The following OPCML variants were observed in gnomAD, a reference collection of about 807,000 sequenced individuals.
OPCML encodes opioid binding protein/cell adhesion molecule like, also known as opioid-binding protein/cell adhesion molecule.
Under a neutral mutation model 37.8 loss-of-function variants are expected in OPCML, and 13 were observed. That is an observed-to-expected ratio of 0.34 (90% CI 0.22 to 0.55). The LOEUF (loss-of-function observed/expected upper bound fraction) is 0.55. Ranked by LOEUF, OPCML falls within the 20% of genes least tolerant of loss-of-function variation. The pLI, the probability that OPCML is intolerant of heterozygous loss-of-function variation, is 0.91. For synonymous variants in OPCML, 176 were observed against 168.8 expected (o/e 1.04, Z -0.33); for missense variants, 341 against 435.6 (o/e 0.78, Z 1.93).
intron 7 of OPCML, among the ~76,000 whole-genome samples, chr11:132,428,991 G>A (rs2095987144): frequency 6.6e-6 from 1 of 152,086 alleles, no homozygotes; most frequent in Admixed American, 6.6e-5. Context: ...CTGGCATACA[G>A]TAGGCACTAA....
intron 2 of OPCML, among the ~76,000 whole-genome samples, chr11:132,789,215 G>C (rs1236036498): frequency 6.6e-6 from 1 of 152,156 alleles, no homozygotes; most frequent in African/African-American, 2.4e-5. Flanking sequence ...CATAATGTCT[G>C]TGTATGTATT....
At chr11:132,587,242 C>G (rs537169941) in intron 3 of OPCML, among the ~76,000 whole-genome samples, 6 of 152,198 alleles carry the variant, frequency 3.9e-5, no homozygotes, top group Non-Finnish European at 8.8e-5. Context: ...CATAACATCT[C>G]CAACAGAGAA....
intron 2 of OPCML, among the ~76,000 whole-genome samples, chr11:132,711,519 A>C (rs777620594): frequency 1.2e-4 from 19 of 152,194 alleles, no homozygotes; most frequent in Non-Finnish European, 2.6e-4. Context: ...TTTTATGTCC[A>C]CTTACCTTTG....
rs1307572496 is a variant in OPCML at position 132,418,497 on chromosome 11, G to T, written c.*1696C>A. 6.6e-6 allele frequency: 1 copy of T among 152,636 alleles called. No homozygotes were observed. The highest frequency in any genetic ancestry group is 1.5e-5 in the Non-Finnish European group (1 of 68,040). 9.5% of individuals were successfully genotyped at this position (152,636 alleles called of 1,614,324 possible). On this transcript the variant is annotated 3_prime_UTR_variant, in exon 8 of 8. Coordinates refer to ENST00000524381, the MANE Select transcript of OPCML (RefSeq NM_001012393.5). ...AGAAGCAGCTGCATCAGAGGAAACT[G>T]TGTCACTGACACTTTCTCCCTTCTG...
At chr11:132,522,980 G>A (rs759408628) in intron 4 of OPCML, among the ~76,000 whole-genome samples, 1 of 152,062 alleles carries the variant, frequency 6.6e-6, no homozygotes, top group African/African-American at 2.4e-5. Flanking sequence ...TTTATCACCC[G>A]GGTTGCAGTG....
chr11:132,516,432 G>A (rs1056693939), intron 4 of OPCML, among the ~76,000 whole-genome samples: 4 of 151,962 alleles, frequency 2.6e-5, no homozygotes, highest in Non-Finnish European at 4.4e-5. Context: ...TCTCTGGCAC[G>A]CTACAGGATC....
chr11:133,028,520 G>C lies in OPCML; in HGVS notation c.62-85510C>G, dbSNP rs961287634. Among the ~76,000 whole-genome samples the C allele has an allele frequency of 3.1e-5, 3 of 95,364 alleles. No individual in the cohort carries two copies. In the Admixed American group the frequency reaches 3.8e-4, roughly 12 times the overall value. The allele number at this position is 95,364 out of a possible 152,430, so 62.6% of individuals were successfully genotyped here. On this transcript the variant is annotated intron_variant, in intron 1 of 7. Coordinates refer to ENST00000524381, the MANE Select transcript of OPCML (RefSeq NM_001012393.5). ...CACAAAGGTTTCAGTTGTTTGATAA[G>C]GAGCGTGTGTGTGTGTGTGTGTGTG...
intron 2 of OPCML, among the ~76,000 whole-genome samples, chr11:132,892,847 G>A (rs1565942433): frequency 6.6e-6 from 1 of 152,140 alleles, no homozygotes; most frequent in Non-Finnish European, 1.5e-5. Context: ...ATAACAAAGA[G>A]CAAGAAGCTA....
intron 1 of OPCML, among the ~76,000 whole-genome samples, chr11:133,185,894 T>C (rs1938049512): frequency 6.6e-6 from 1 of 152,190 alleles, no homozygotes; most frequent in Non-Finnish European, 1.5e-5. Context: ...ATGATGATGG[T>C]ATAATGATTT....
At chr11:132,965,425 TA>T (rs1946192349) in intron 1 of OPCML, among the ~76,000 whole-genome samples, 2 of 152,218 alleles carry the variant, frequency 1.3e-5, no homozygotes, top group Non-Finnish European at 2.9e-5. Context: ...CTATTTCCTC[TA>T]GAGTCAATGT....
chr11:133,480,639 T>C (rs573516604), intron 1 of OPCML, among the ~76,000 whole-genome samples: 41 of 152,364 alleles, frequency 2.7e-4, no homozygotes, highest in African/African-American at 9.9e-4. Flanking sequence ...CTATCATGCA[T>C]GAAACTCTTT....
chr11:132,676,413 C>A (rs567965967), intron 2 of OPCML, among the ~76,000 whole-genome samples: 135 of 151,358 alleles, frequency 8.9e-4, no homozygotes, highest in African/African-American at 3.2e-3. Flanking sequence ...GTATAAGCAA[C>A]AAATAAAAAA....
chr11:133,467,085 A>AC (rs1329875734), intron 1 of OPCML, among the ~76,000 whole-genome samples: 3 of 152,208 alleles, frequency 2.0e-5, no homozygotes, highest in African/African-American at 4.8e-5. Context: ...CCATGAATTA[A>AC]CCCACTGCTC....
intron 4 of OPCML, among the ~76,000 whole-genome samples, chr11:132,441,184 T>TTTTTTTTTTTTTTTTTTTTTTTTG (rs2096032833): frequency 8.2e-6 from 1 of 122,604 alleles, no homozygotes; most frequent in Non-Finnish European, 1.6e-5. Context: ...TTTTTTTTTT[T>TTTTTTTTTTTTTTTTTTTTTTTTG]TGAGACGGAG....
chr11:133,521,044 G>A (rs572889715), intron 1 of OPCML, among the ~76,000 whole-genome samples: 1 of 152,322 alleles, frequency 6.6e-6, no homozygotes, highest in African/African-American at 2.4e-5. Flanking sequence ...CCTAGCCAGA[G>A]AGAGAGGAAG....
At chr11:133,357,136 A>G (rs1216150239) in intron 1 of OPCML, among the ~76,000 whole-genome samples, 1 of 152,208 alleles carries the variant, frequency 6.6e-6, no homozygotes, top group African/African-American at 2.4e-5. Context: ...ACCCTAAAAA[A>G]TAACTGTTAT....
intron 1 of OPCML, among the ~76,000 whole-genome samples, chr11:133,276,369 G>A (rs1321249800): frequency 6.6e-6 from 1 of 152,152 alleles, no homozygotes; most frequent in Non-Finnish European, 1.5e-5. Flanking sequence ...GGGCCAAGTG[G>A]GGAGGTTCTT....
intron 1 of OPCML, among the ~76,000 whole-genome samples, chr11:133,495,392 G>A (rs1947763595): frequency 6.6e-6 from 1 of 152,190 alleles, no homozygotes; most frequent in African/African-American, 2.4e-5. Context: ...TTCGAATAAT[G>A]ACTTCTTTTC....
Position 133,023,904 on chromosome 11 carries a change from G to A in OPCML, c.62-80894C>T, listed in dbSNP as rs137903386. ...GGAAATCGAGTTTCATTCTGTGGGT[G>A]GCAGGAAGCATTTCCATTCTATGCA... On this transcript the variant is annotated intron_variant, in intron 1 of 7. Coordinates refer to ENST00000524381, the MANE Select transcript of OPCML (RefSeq NM_001012393.5). Among the ~76,000 whole-genome samples the A allele has an allele frequency of 2.9e-3, 440 of 152,280 alleles. 3 individuals are homozygous for A. The highest frequency in any genetic ancestry group is 4.5e-3 in the Non-Finnish European group (305 of 68,034).
Sources: allele counts gnomAD v4.1 joint callset (sites outside exome capture counted in the v4.1 genomes callset), GRCh38; gene constraint gnomAD v4.1.1; transcripts MANE v1.5; gene names NCBI Gene and HGNC (gene_info 2026-07-23, HGNC 2026-07-21).